ADAM19: variants seen among roughly 807,000 people sequenced by gnomAD.
ADAM19 encodes ADAM metallopeptidase domain 19.
Under a neutral mutation model 114.7 loss-of-function variants are expected in ADAM19, and 65 were observed. The observed-to-expected ratio is 0.57, with a 90% CI of 0.46 to 0.70. The LOEUF (loss-of-function observed/expected upper bound fraction) is 0.70. Ranked by LOEUF, ADAM19 falls within the 30% of genes least tolerant of loss-of-function variation. ADAM19 has a pLI of 0.00. For missense variants in ADAM19, 1,063 were observed against 1,204.7 expected (o/e 0.88, Z 1.74); for synonymous variants, 466 against 460.5 (o/e 1.01, Z -0.15).
chr5:157,551,411 CCAAAAAAA>C (rs1212139208), intron 3 of ADAM19, among the ~76,000 whole-genome samples: 1 of 73,488 alleles, frequency 1.4e-5, no homozygotes, highest in Admixed American at 1.6e-4. Flanking sequence ...CCCCCCAACC[CCAAAAAAA>C]AAAAAAAAAA....
chr5:157,574,594 G>C (rs1430711376), intron 1 of ADAM19, among the ~76,000 whole-genome samples: 1 of 152,136 alleles, frequency 6.6e-6, no homozygotes, highest in African/African-American at 2.4e-5. Flanking sequence ...GCTGACTGTT[G>C]GTCCCCCAAG....
chr5:157,546,407 C>T (rs1158414813), intron 3 of ADAM19, among the ~76,000 whole-genome samples: 2 of 152,346 alleles, frequency 1.3e-5, no homozygotes, highest in East Asian at 3.9e-4. Context: ...TGGCTGCCCT[C>T]CTTCTCCAAA....
chr5:157,478,170 T>A lies in ADAM19; in HGVS notation c.*2779A>T, dbSNP rs1754648913. 1.9e-5 allele frequency: 3 copies of A among 155,232 alleles called. 1 individual carries two copies. The highest frequency in any genetic ancestry group is 7.3e-5 in the African/African-American group (3 of 40,994). 9.6% of individuals were successfully genotyped at this position (155,232 alleles called of 1,614,324 possible). On this transcript the variant is annotated 3_prime_UTR_variant, in exon 23 of 23. Transcript: ENST00000257527. The stretch of plus-strand genomic sequence containing the variant: ...AAAAAGATTTACCTACATCCCCATC[T>A]GCACAAAGAGCTTGCTAACTCACTA...
chr5:157,495,864 C>T (rs566347235), intron 14 of ADAM19, among the ~76,000 whole-genome samples: 3 of 151,896 alleles, frequency 2.0e-5, no homozygotes, highest in South Asian at 4.2e-4. Context: ...GAACTCCTGA[C>T]CTCAGGTGAT....
chr5:157,520,990 G>A (rs74531904), intron 5 of ADAM19, among the ~76,000 whole-genome samples: 219 of 152,262 alleles, frequency 1.4e-3, no homozygotes, highest in African/African-American at 4.1e-3. Context: ...ACGGAATAGC[G>A]AACAAGACAC....
At chr5:157,552,077 G>A (rs1045480318) in intron 3 of ADAM19, among the ~76,000 whole-genome samples, 2 of 152,284 alleles carry the variant, frequency 1.3e-5, no homozygotes, top group Middle Eastern at 6.8e-3. Context: ...CTTGAACCCA[G>A]AAGGCGGAGG....
Position 157,490,324 on chromosome 5 carries a change from C to G in ADAM19, c.2226G>C (p.Leu742=). The G allele has an allele frequency of 6.2e-7, 1 of 1,614,112 alleles. No homozygotes were observed. Reference sequence around the variant, plus strand: ...CCCTGTCATACCTGAACTGTTGCCTCAGCTTGGAAGGGAGAGCTGAGGGCT... The same window carrying G: ...CCCTGTCATACCTGAACTGTTGCCTGAGCTTGGAAGGGAGAGCTGAGGGCT... ...QLKPSALPSK[L]RQQFSCPFRV... The change falls in exon 19 of 23, where the codon CTG becomes CTC. Residue 742 remains leucine (L), a synonymous_variant. Coordinates refer to ENST00000257527, the MANE Select transcript of ADAM19 (RefSeq NM_033274.5).
rs560284582 is a variant in ADAM19, at chr5:157,517,605, G to A, written c.666+1218C>T. On this transcript the variant is annotated intron_variant, in intron 7 of 22. Coordinates refer to ENST00000257527, the MANE Select transcript of ADAM19 (RefSeq NM_033274.5). ...ATCTGCACTTTCATCCCTCCTAATG[G>A]TCCATCTTAGTGCTTATCACACTTT... Among the ~76,000 whole-genome samples, 7 of 152,196 alleles carry A rather than the reference G, an allele frequency of 4.6e-5. No homozygotes were observed. In the South Asian group the frequency reaches 1.5e-3, roughly 32 times the overall value.
chr5:157,540,033 T>C (rs971474880), intron 3 of ADAM19, among the ~76,000 whole-genome samples: 28 of 152,360 alleles, frequency 1.8e-4, no homozygotes, highest in African/African-American at 6.5e-4. Context: ...TCTCTGAACC[T>C]TTGTTTCCTC....
In ADAM19 at chr5:157,520,014, C is replaced by T. The variant is rs748275165; in HGVS notation, c.425G>A (p.Ser142Asn). The change falls in exon 6 of 23, where the codon AGC (serine) becomes AAC (asparagine). Residue 142 changes from serine to asparagine, a missense_variant. This residue lies in a region of ADAM19 where 615 missense variants were observed against 706.3 expected (regional missense o/e 0.87). Transcript: ENST00000257527. ...CRGIRGLITVSSNLSYVIEPL... is the reference protein window; with the variant it reads ...CRGIRGLITVNSNLSYVIEPL... ...CTCGATGACGTAGCTGAGGTTGCTGCTCACCGTAATCAGTCCTCTGTTGAG... is the reference window on the plus strand; with the variant it reads ...CTCGATGACGTAGCTGAGGTTGCTGTTCACCGTAATCAGTCCTCTGTTGAG... 1.2e-6 allele frequency: 2 copies of T among 1,613,802 alleles called. No homozygotes were observed. Among genetic ancestry groups the T allele is most frequent in the Admixed American group, 1.7e-5 (1 of 59,968 alleles).
At chr5:157,509,528 TC>T (rs1460944060) in intron 8 of ADAM19, 61 bp from the exon 9 acceptor site, 1 of 1,270,362 alleles carries the variant, frequency 7.9e-7, no homozygotes, top group East Asian at 2.8e-5. Flanking sequence ...AAAAGCCCCT[TC>T]CTTTCATTCT....
At chr5:157,539,531 A>T (rs1756859487) in intron 3 of ADAM19, among the ~76,000 whole-genome samples, 1 of 152,214 alleles carries the variant, frequency 6.6e-6, no homozygotes, top group African/African-American at 2.4e-5. Flanking sequence ...TCAGAAGGCA[A>T]ATGCCACAAG....
intron 19 of ADAM19, among the ~76,000 whole-genome samples, chr5:157,489,667 A>G (rs1357431656): frequency 1.3e-5 from 2 of 152,226 alleles, no homozygotes; most frequent in Non-Finnish European, 2.9e-5. Context: ...AGATGAAACA[A>G]ACTTTAAAGC....
chr5:157,544,075 G>C (rs570218273), intron 3 of ADAM19, among the ~76,000 whole-genome samples: 9 of 152,200 alleles, frequency 5.9e-5, no homozygotes, highest in African/African-American at 2.2e-4. Flanking sequence ...GGACTGATGA[G>C]TCCAGGGGGC....
chr5:157,556,411 G>T (rs1448146703), intron 3 of ADAM19, among the ~76,000 whole-genome samples: 3 of 151,672 alleles, frequency 2.0e-5, no homozygotes, highest in Non-Finnish European at 4.4e-5. Context: ...TAGAGACCAG[G>T]TTTCACCATG....
At chr5:157,499,259 G>A (rs1277938770) in intron 13 of ADAM19, among the ~76,000 whole-genome samples, 3 of 151,746 alleles carry the variant, frequency 2.0e-5, no homozygotes, top group South Asian at 2.1e-4. Flanking sequence ...CAATACAAAT[G>A]ATGATAATTA....
chr5:157,505,817 A>G lies in ADAM19; in HGVS notation c.991-9T>C, dbSNP rs765381564. 13 of 1,612,954 alleles carry G rather than the reference A, an allele frequency of 8.1e-6. No individual in the cohort carries two copies. The Admixed American group carries it at 2.0e-4, about 25-fold the overall frequency. The stretch of plus-strand genomic sequence containing the variant: ...GCATTCTCGGAGTGGTCCTGCTCAG[A>G]AGACAGAGTTGAGGTCAAGGTCAAG... On this transcript the variant is annotated splice_polypyrimidine_tract_variant and intron_variant, in intron 10 of 22. Coordinates refer to ENST00000257527, the MANE Select transcript of ADAM19 (RefSeq NM_033274.5).
chr5:157,518,859 C>T lies in ADAM19; in HGVS notation c.630G>A (p.Lys210=), dbSNP rs1756180720. 6.2e-7 allele frequency: 1 copy of T among 1,614,078 alleles called. No individual in the cohort carries two copies. The highest frequency in any genetic ancestry group is 8.5e-7 in the Non-Finnish European group (1 of 1,179,912). The change falls in exon 7 of 23, where the codon AAG becomes AAA. Residue 210 remains lysine (K), a synonymous_variant. Coordinates refer to ENST00000257527, the MANE Select transcript of ADAM19 (RefSeq NM_033274.5). Reference sequence around the variant, plus strand: ...CAGCCACGAGGTAAAGCTCCACATACTTCATGGAGTTTAAATCTTCCCTTT... The same window carrying T: ...CAGCCACGAGGTAAAGCTCCACATATTTCATGGAGTTTAAATCTTCCCTTT... ...RMKREDLNSM[K]YVELYLVADY...
At chr5:157,527,371 T>C (rs1756496165) in intron 5 of ADAM19, among the ~76,000 whole-genome samples, 1 of 152,154 alleles carries the variant, frequency 6.6e-6, no homozygotes, top group Non-Finnish European at 1.5e-5. Flanking sequence ...CCACCACGCC[T>C]GACTAATTTT....
Sources: allele counts gnomAD v4.1 joint callset (sites outside exome capture counted in the v4.1 genomes callset), GRCh38; gene constraint gnomAD v4.1.1; regional missense constraint gnomAD v4.1.1; transcripts MANE v1.5; gene names NCBI Gene and HGNC (gene_info 2026-07-23, HGNC 2026-07-21).